SMC5: variants seen among roughly 807,000 people sequenced by gnomAD.
SMC5 encodes structural maintenance of chromosomes 5, also known as structural maintenance of chromosomes protein 5.
SMC5 carries 88 observed loss-of-function variants against 148.3 expected under a neutral mutation model. That is an observed-to-expected ratio of 0.59 (90% confidence interval 0.50 to 0.71). SMC5 has a LOEUF of 0.71. SMC5 is among the 30% of genes least tolerant of loss of function. SMC5 has a pLI of 0.00. For missense variants in SMC5, 1,142 were observed against 1,298.9 expected, an observed-to-expected ratio of 0.88 and a Z score of 1.86; for synonymous variants, 421 against 432.8, an observed-to-expected ratio of 0.97 and a Z score of 0.34.
intron 20 of SMC5, among the ~76,000 whole-genome samples, 195 bp from the exon 21 acceptor site, chr9:70,347,418 C>T (rs2036691799): frequency 1.3e-5 from 2 of 152,134 alleles, no homozygotes; most frequent in Admixed American, 1.3e-4. Flanking sequence ...TTGGGCTAAC[C>T]TGAAATACTG....
At chr9:70,312,818 C>A (rs1188337605) in intron 11 of SMC5, among the ~76,000 whole-genome samples, 1 of 152,120 alleles carries the variant, frequency 6.6e-6, no homozygotes, top group East Asian at 1.9e-4. Context: ...TTGCTGGATT[C>A]TGTTTACCAA....
intron 11 of SMC5, among the ~76,000 whole-genome samples, chr9:70,306,821 A>G (rs1054332537): frequency 6.6e-6 from 1 of 152,128 alleles, no homozygotes; most frequent in African/African-American, 2.4e-5. Flanking sequence ...ACTTTCTCCT[A>G]TATCTGTGAC....
At position 70,277,410 on chromosome 9, in the gene SMC5, G is replaced by A; in HGVS notation, c.481G>A (p.Val161Met). Residue 161 changes from valine to methionine, a missense_variant, in exon 4 of 25, where the codon GTG becomes ATG. Coordinates refer to ENST00000361138, the MANE Select transcript of SMC5 (RefSeq NM_015110.4). ...INKKSTTQKI[V>M]EEKVAALNIQ... ...CAAAAAATCTACAACCCAGAAAATA[G>A]TGGAAGAGAAAGTTGCAGCCTTAAA... 1 of 1,605,072 alleles carries A rather than the reference G, an allele frequency of 6.2e-7. No homozygotes were observed. Among genetic ancestry groups the A allele is most frequent in the Non-Finnish European group, 8.5e-7 (1 of 1,175,740 alleles).
Position 70,266,522 on chromosome 9 carries a change from GA to G in SMC5, c.328-1399del, listed in dbSNP as rs1587615279. Among the ~76,000 whole-genome samples the G allele has an allele frequency of 2.6e-5, 4 of 152,274 alleles. No individual in the cohort carries two copies. In the South Asian group the frequency reaches 8.3e-4, roughly 32 times the overall value. On this transcript the variant is annotated intron_variant, in intron 2 of 24. Transcript: ENST00000361138. The stretch of plus-strand genomic sequence containing the variant: ...ACTCCAGGGGCTGTACAGTAGGACT[GA>G]ATTGGCTATAACAATTTTTACTAAC...
intron 3 of SMC5, among the ~76,000 whole-genome samples, chr9:70,273,845 G>T (rs531281719): frequency 3.3e-5 from 5 of 152,100 alleles, no homozygotes; most frequent in African/African-American, 1.2e-4. Context: ...TTTAGTAATT[G>T]TTCTTTGGCT....
At chr9:70,305,513 T>C (rs2035473583) in intron 11 of SMC5, among the ~76,000 whole-genome samples, 153 bp downstream of exon 11, 2 of 152,188 alleles carry the variant, frequency 1.3e-5, no homozygotes, top group South Asian at 4.1e-4. Context: ...CTTTCCTATT[T>C]ATGGCATTGT....
At chr9:70,264,941 A>G (rs1271691722) in intron 2 of SMC5, among the ~76,000 whole-genome samples, 3 of 152,198 alleles carry the variant, frequency 2.0e-5, no homozygotes, top group African/African-American at 4.8e-5. Flanking sequence ...ACTGTACTGA[A>G]TACTGTGGAC....
At chr9:70,315,320 G>A in intron 12 of SMC5, 126 bp from the exon 13 acceptor site, 3 of 498,146 alleles carry the variant, frequency 6.0e-6, no homozygotes, top group Non-Finnish European at 9.7e-6. Flanking sequence ...AAAGAAAAAA[G>A]ACTTGTCCTG....
chr9:70,267,918 CTTAGG>C lies in SMC5; in HGVS notation c.328-2_330del. 1.2e-6 allele frequency: 2 copies of C among 1,611,178 alleles called. No homozygotes were observed. Among genetic ancestry groups the C allele is most frequent in the Non-Finnish European group, 1.7e-6 (2 of 1,178,592 alleles). On this transcript the variant is annotated splice_acceptor_variant and splice_polypyrimidine_tract_variant and coding_sequence_variant and intron_variant, in exon 3 of 25. Transcript: ENST00000361138. LOFTEE classifies it high-confidence loss of function. The stretch of plus-strand genomic sequence containing the variant: ...ACAGCTCACTTTTTCTTTTTTATGT[CTTAGG>C]TTGGGTTTTTTGTGAAGAGAGGATG...
chr9:70,286,076 T>C (rs2034891548), intron 7 of SMC5, 124 bp from the exon 8 acceptor site: 1 of 673,082 alleles, frequency 1.5e-6, no homozygotes, highest in African/African-American at 1.8e-5. Flanking sequence ...TGTTGATAAT[T>C]ATGGATTTTG....
intron 8 of SMC5, among the ~76,000 whole-genome samples, chr9:70,289,194 C>T (rs1463874310): frequency 2.0e-5 from 3 of 152,050 alleles, no homozygotes; most frequent in African/African-American, 7.2e-5. Context: ...TGCACCACCA[C>T]GCCTGGCTAA....
intron 9 of SMC5, among the ~76,000 whole-genome samples, chr9:70,298,639 T>G (rs2118389868): frequency 6.6e-6 from 1 of 152,080 alleles, no homozygotes; most frequent in Middle Eastern, 3.4e-3. Flanking sequence ...ATTATTTGGA[T>G]AGGGATTTTA....
Position 70,258,991 on chromosome 9 carries a change from G to C in SMC5, c.-88G>C. Reference sequence around the variant, plus strand: ...ACAGTTCGCGGCAGTTCGCGCGGGAGCGGGGCGCCTGGGTGGATGGGCGCT... The same window carrying C: ...ACAGTTCGCGGCAGTTCGCGCGGGACCGGGGCGCCTGGGTGGATGGGCGCT... On this transcript the variant is annotated 5_prime_UTR_variant, in exon 1 of 25. Coordinates refer to ENST00000361138, the MANE Select transcript of SMC5 (RefSeq NM_015110.4). 2 of 1,428,022 alleles carry C rather than the reference G, an allele frequency of 1.4e-6. No homozygotes were observed. The highest frequency in any genetic ancestry group is 2.9e-5 in the African/African-American group (2 of 68,700). The allele number at this position is 1,428,022 out of a possible 1,614,324, so 88.5% of individuals were successfully genotyped here.
At chr9:70,280,984 A>G (rs2034734754) in intron 6 of SMC5, 85 bp downstream of exon 6, 1 of 1,439,676 alleles carries the variant, frequency 6.9e-7, no homozygotes, top group Admixed American at 2.1e-5. Context: ...CTGTGTATTC[A>G]AGTTAGGTGC....
rs17052847 is a variant in SMC5 at position 70,317,528 on chromosome 9, T to C, written c.1807-986T>C. ...GTCGGATTGTAGGATTTATGCCCTG[T>C]TGACCTAGTGTGCTTAAATATGTCT... is the stretch of plus-strand genomic sequence containing the variant. On this transcript the variant is annotated intron_variant, in intron 13 of 24. Transcript: ENST00000361138. Among the ~76,000 whole-genome samples the C allele has an allele frequency of 4.7e-3, 722 of 152,286 alleles. 6 individuals carry two copies. The highest frequency in any genetic ancestry group is 0.016 in the African/African-American group (668 of 41,560).
chr9:70,303,795 A>T (rs2035424960), intron 10 of SMC5, among the ~76,000 whole-genome samples: 1 of 152,194 alleles, frequency 6.6e-6, no homozygotes, highest in Non-Finnish European at 1.5e-5. Flanking sequence ...CCAAGCTCTT[A>T]GCTAGTTTGC....
chr9:70,282,219 T>C (rs1006310828), intron 6 of SMC5, among the ~76,000 whole-genome samples: 2 of 152,154 alleles, frequency 1.3e-5, no homozygotes, highest in African/African-American at 4.8e-5. Flanking sequence ...AAACGCTCAG[T>C]GATTATCAGG....
rs1587727113 is a variant in SMC5 at position 70,352,391 on chromosome 9, C to T, written c.*60C>T. On this transcript the variant is annotated 3_prime_UTR_variant, in exon 25 of 25. Coordinates refer to ENST00000361138, the MANE Select transcript of SMC5 (RefSeq NM_015110.4). ...TGTTAAATTCTGTTTATAAGTATGG[C>T]TCAACTGAATAAAAGGAGATTCACT... 38 of 1,470,798 alleles carry T rather than the reference C, an allele frequency of 2.6e-5. No homozygotes were observed. The highest frequency in any genetic ancestry group is 1.8e-4 in the Middle Eastern group (1 of 5,574). The allele number at this position is 1,470,798 out of a possible 1,614,324, so 91.1% of individuals were successfully genotyped here. A position where few individuals can be genotyped will look rare whatever the true frequency, so the allele number is the denominator to read the frequency against.
In SMC5 at chr9:70,352,377, G is replaced by A; in HGVS notation, c.*46G>A. The A allele has an allele frequency of 6.5e-7, 1 of 1,542,386 alleles. No individual in the cohort carries two copies. The highest frequency in any genetic ancestry group is 8.8e-7 in the Non-Finnish European group (1 of 1,142,784). On this transcript the variant is annotated 3_prime_UTR_variant, in exon 25 of 25. Transcript: ENST00000361138. ...TTGGGAATTTTTTTTGTTAAATTCT[G>A]TTTATAAGTATGGCTCAACTGAATA...
Sources: allele counts gnomAD v4.1 joint callset (sites outside exome capture counted in the v4.1 genomes callset), GRCh38; gene constraint gnomAD v4.1.1; transcripts MANE v1.5; gene names NCBI Gene and HGNC (gene_info 2026-07-23, HGNC 2026-07-21).